DMD: variants seen among roughly 807,000 people sequenced by gnomAD.
DMD encodes dystrophin.
DMD carries 63 observed loss-of-function variants against 330.1 expected under a neutral mutation model. The observed-to-expected ratio is 0.19, with a 90% CI of 0.16 to 0.24. The LOEUF is 0.24. Ranked by LOEUF, DMD falls within the 10% of genes least tolerant of loss-of-function variation. DMD has a pLI of 1.00. For missense variants in DMD, 3,344 were observed against 2,684.1 expected, an observed-to-expected ratio of 1.25 and a Z score of -5.43; for synonymous variants, 1,223 against 959.8, an observed-to-expected ratio of 1.27 and a Z score of -5.07.
At chrX:31,893,652 T>C (rs1158753285) in intron 47 of DMD, among the ~76,000 whole-genome samples, 6 of 109,963 alleles carry the variant, frequency 5.5e-5, no homozygotes, top group Non-Finnish European at 1.1e-4. Flanking sequence ...TAGTTTCCCT[T>C]GTAGGAGGGA....
intron 50 of DMD, among the ~76,000 whole-genome samples, chrX:31,786,572 C>A (rs1362658350): frequency 2.7e-5 from 3 of 111,526 alleles, no homozygotes; most frequent in Admixed American, 1.9e-4. Context: ...ATGCCAGTGC[C>A]TCTCTGTAGT....
chrX:32,974,399 G>C (rs1375475774), intron 2 of DMD, among the ~76,000 whole-genome samples: 5 of 111,022 alleles, frequency 4.5e-5, no homozygotes, highest in African/African-American at 1.6e-4. Flanking sequence ...TGAACATACT[G>C]AAAAAACACT....
chrX:32,880,702 T>A (rs992924892), intron 2 of DMD, among the ~76,000 whole-genome samples: 3 of 112,631 alleles, frequency 2.7e-5, no homozygotes, highest in Non-Finnish European at 5.6e-5. Context: ...CCCAGCACTT[T>A]AGACGGCCGA....
At chrX:32,326,383 G>A (rs1404618519) in intron 41 of DMD, among the ~76,000 whole-genome samples, 1 of 111,832 alleles carries the variant, frequency 8.9e-6, no homozygotes, top group Non-Finnish European at 1.9e-5. Flanking sequence ...CAAAGCCAAA[G>A]GACATATTTT....
At chrX:32,337,406 A>G (rs1288075138) in intron 41 of DMD, among the ~76,000 whole-genome samples, 1 of 108,913 alleles carries the variant, frequency 9.2e-6, no homozygotes, top group Non-Finnish European at 1.9e-5. Context: ...ATAAAATGTT[A>G]AACATCAAGA....
chrX:31,157,739 A>T (rs1188123457), intron 74 of DMD, among the ~76,000 whole-genome samples: 1 of 110,683 alleles, frequency 9.0e-6, no homozygotes, highest in Non-Finnish European at 1.9e-5. Context: ...GCACTGCTAT[A>T]TACTCTTGCC....
intron 51 of DMD, among the ~76,000 whole-genome samples, chrX:31,763,042 T>C (rs2089727781): frequency 8.9e-6 from 1 of 112,648 alleles, no homozygotes. Flanking sequence ...ATCAACAATA[T>C]TTATAAAGCA....
intron 56 of DMD, among the ~76,000 whole-genome samples, chrX:31,497,198 A>G (rs191016673): frequency 1.8e-5 from 2 of 112,191 alleles, no homozygotes; most frequent in East Asian, 5.6e-4. Context: ...TACACACTGG[A>G]ATCTATTGCT....
chrX:32,685,786 A>G (rs1298589365), intron 9 of DMD, among the ~76,000 whole-genome samples: 2 of 111,855 alleles, frequency 1.8e-5, no homozygotes, highest in Non-Finnish European at 3.8e-5. Flanking sequence ...CCATCAACTC[A>G]TCATTAATCC....
chrX:32,090,763 G>GT lies in DMD; in HGVS notation c.6439-122250dup, dbSNP rs112000454. 7.8e-4 allele frequency among the ~76,000 whole-genome samples: 84 copies of GT among 107,315 alleles called. No individual in the cohort carries two copies. In the South Asian group the frequency reaches 0.013, roughly 17 times the overall value. The allele number at this position is 107,315 out of a possible 115,157, so 93.2% of individuals were successfully genotyped here. On this transcript the variant is annotated intron_variant, in intron 44 of 78. Coordinates refer to ENST00000357033, the MANE Select transcript of DMD (RefSeq NM_004006.3). Reference sequence around the variant, plus strand: ...GTTTGGATATGATTCTGAATTTTGGGTTTTTTTTTTCTGCTGGGACAATCC... The same window carrying GT: ...GTTTGGATATGATTCTGAATTTTGGGTTTTTTTTTTTCTGCTGGGACAATCC...
intron 64 of DMD, among the ~76,000 whole-genome samples, chrX:31,222,436 A>T (rs1437118335): frequency 9.2e-6 from 1 of 108,545 alleles, no homozygotes; most frequent in African/African-American, 3.4e-5. Context: ...AAGAAAAAGA[A>T]ACTGTGCCTG....
chrX:31,413,592 C>T (rs2061736988), intron 60 of DMD, among the ~76,000 whole-genome samples: 1 of 111,551 alleles, frequency 9.0e-6, no homozygotes, highest in Non-Finnish European at 1.9e-5. Context: ...TTTTAGGGGG[C>T]ACTATTTATG....
At chrX:31,188,776 A>C (rs1418584735) in intron 67 of DMD, among the ~76,000 whole-genome samples, 1 of 111,930 alleles carries the variant, frequency 8.9e-6, no homozygotes, top group Non-Finnish European at 1.9e-5. Context: ...GCAACTATCC[A>C]TAACAGAAAA....
chrX:31,217,619 C>T (rs189416319), intron 64 of DMD, among the ~76,000 whole-genome samples: 5 of 111,843 alleles, frequency 4.5e-5, no homozygotes, highest in African/African-American at 1.3e-4. Context: ...TTGCCTGTAC[C>T]GCAGACAATA....
At chrX:31,964,672 G>A (rs969574516) in intron 45 of DMD, among the ~76,000 whole-genome samples, 1 of 109,341 alleles carries the variant, frequency 9.1e-6, no homozygotes, top group Non-Finnish European at 1.9e-5. Context: ...GAGAAAGCGA[G>A]AGAAAAAAAG....
chrX:32,281,151 A>C (rs1466098774), intron 43 of DMD, among the ~76,000 whole-genome samples: 1 of 112,154 alleles, frequency 8.9e-6, no homozygotes, highest in Non-Finnish European at 1.9e-5. Flanking sequence ...AGCAGCTTCC[A>C]ACTGTCCCAC....
chrX:33,263,424 A>G, intron 1 of DMD, among the ~76,000 whole-genome samples: 1 of 104,654 alleles, frequency 9.6e-6, no homozygotes, highest in Non-Finnish European at 1.9e-5. Flanking sequence ...CCAGAGTCAG[A>G]GAGCTTTTTA....
chrX:32,858,383 G>A (rs1306355098), intron 2 of DMD, among the ~76,000 whole-genome samples: 1 of 112,283 alleles, frequency 8.9e-6, no homozygotes, highest in Admixed American at 9.4e-5. Context: ...AGGCTGGAGT[G>A]CAGTGGCGCA....
chrX:32,866,726 GGGGGGGGT>G (rs1569536564), intron 2 of DMD, among the ~76,000 whole-genome samples: 29 of 35,495 alleles, frequency 8.2e-4, no homozygotes, highest in African/African-American at 3.1e-3. Context: ...CTTTTTTTTG[GGGGGGGGT>G]GGGGGGGTGG....
Sources: allele counts gnomAD v4.1 joint callset (sites outside exome capture counted in the v4.1 genomes callset), GRCh38; gene constraint gnomAD v4.1.1; transcripts MANE v1.5; gene names NCBI Gene and HGNC (gene_info 2026-07-23, HGNC 2026-07-21).